COL27A1: variants seen among roughly 807,000 people sequenced by gnomAD.
COL27A1 encodes collagen alpha-1(XXVII) chain.
A neutral mutation model predicts 251.3 loss-of-function variants in COL27A1; 106 were observed. The observed-to-expected ratio is 0.42, with a 90% CI of 0.36 to 0.50. The LOEUF is 0.50. COL27A1 is among the 20% of genes least tolerant of loss of function. COL27A1 has a pLI of 0.00. For missense variants in COL27A1, 2,325 were observed against 2,522.8 expected (o/e 0.92, Z 1.68); for synonymous variants, 1,000 against 986.3 (o/e 1.01, Z -0.26).
intron 18 of COL27A1, 69 bp downstream of exon 18, chr9:114,237,103 A>G (rs1161360229): frequency 1.4e-6 from 2 of 1,435,900 alleles, no homozygotes; most frequent in South Asian, 2.8e-5. Context: ...GTGGCTGGGG[A>G]CACCTTCACC....
intron 7 of COL27A1, among the ~76,000 whole-genome samples, chr9:114,199,609 G>A (rs1244865709): frequency 6.6e-6 from 1 of 152,146 alleles, no homozygotes; most frequent in Non-Finnish European, 1.5e-5. Context: ...GAGAAGAATA[G>A]CATCTTCTTC....
chr9:114,213,502 TA>T (rs1830499989), intron 12 of COL27A1, among the ~76,000 whole-genome samples: 1 of 152,200 alleles, frequency 6.6e-6, no homozygotes, highest in Non-Finnish European at 1.5e-5. Flanking sequence ...TTGTTGAATA[TA>T]TTACTCTATG....
chr9:114,160,534 C>T (rs1018526686), intron 1 of COL27A1, among the ~76,000 whole-genome samples: 1 of 151,914 alleles, frequency 6.6e-6, no homozygotes, highest in African/African-American at 2.4e-5. Context: ...TTCCTGTGTG[C>T]CTGCCAGGGG....
rs757073014 is a variant in COL27A1 at position 114,290,160 on chromosome 9, C to T, written c.4260+49C>T. On this transcript the variant is annotated intron_variant, in intron 46 of 60. Transcript: ENST00000356083. The surrounding 1 kb of genome is among the most constrained non-coding windows in gnomAD (Gnocchi z 4.6). ...CCAGCCAACCTCCCTGCCCGCCCCC[C>T]ACACCCGCCCTCCTCCCACTCCCTG... 7 of 1,591,674 alleles carry T rather than the reference C, an allele frequency of 4.4e-6. No individual in the cohort carries two copies. Among genetic ancestry groups the T allele is most frequent in the African/African-American group, 2.7e-5 (2 of 74,640 alleles).
In COL27A1 at chr9:114,302,234, C is replaced by T. The variant is rs184808223; in HGVS notation, c.4872+126C>T. On this transcript the variant is annotated intron_variant, in intron 56 of 60. Coordinates refer to ENST00000356083, the MANE Select transcript of COL27A1 (RefSeq NM_032888.4). The stretch of plus-strand genomic sequence containing the variant: ...AGCTGGGTCTAGGGACGCCCATGTC[C>T]TTTTGTCACTTCATACTGGAGACTT... The T allele has an allele frequency of 2.8e-4, 208 of 753,568 alleles. 3 individuals carry two copies. In the South Asian group the frequency reaches 2.9e-3, roughly 10 times the overall value. 46.7% of individuals were successfully genotyped at this position (753,568 alleles called of 1,614,324 possible). A position where few individuals can be genotyped will look rare whatever the true frequency, so the allele number is the denominator to read the frequency against.
At chr9:114,169,777 G>A (rs760319223) in intron 3 of COL27A1, among the ~76,000 whole-genome samples, 1 of 152,186 alleles carries the variant, frequency 6.6e-6, no homozygotes, top group Non-Finnish European at 1.5e-5. Context: ...TGCAAAGCTC[G>A]AACAGCTTAA....
intron 56 of COL27A1, among the ~76,000 whole-genome samples, chr9:114,302,633 G>A (rs1384106065): frequency 6.6e-6 from 1 of 151,660 alleles, no homozygotes; most frequent in Non-Finnish European, 1.5e-5. Context: ...GGTTGAACCC[G>A]GGAGGAGGAG....
At chr9:114,193,581 C>A (rs144377928) in intron 5 of COL27A1, among the ~76,000 whole-genome samples, 1 of 152,028 alleles carries the variant, frequency 6.6e-6, no homozygotes, top group African/African-American at 2.4e-5. Flanking sequence ...CTAGACAGTC[C>A]CTTTCCTTCT....
chr9:114,293,258 A>T (rs1275342883), intron 49 of COL27A1, among the ~76,000 whole-genome samples: 1 of 152,234 alleles, frequency 6.6e-6, no homozygotes, highest in Non-Finnish European at 1.5e-5. Flanking sequence ...ATCTCCAAAC[A>T]TCTGGAAACT....
intron 5 of COL27A1, among the ~76,000 whole-genome samples, chr9:114,192,368 A>G (rs1828804823): frequency 6.6e-6 from 1 of 152,190 alleles, no homozygotes; most frequent in South Asian, 2.1e-4. Flanking sequence ...TACCATGGAC[A>G]TAAAAGGCAT....
chr9:114,208,993 C>T (rs1365810601), intron 10 of COL27A1, among the ~76,000 whole-genome samples: 1 of 152,090 alleles, frequency 6.6e-6, no homozygotes, highest in Non-Finnish European at 1.5e-5. Context: ...GCTGTGGAGT[C>T]AGCTGGCCCT....
intron 4 of COL27A1, 25 bp downstream of exon 4, chr9:114,178,369 G>A: frequency 6.2e-7 from 1 of 1,611,402 alleles, no homozygotes; most frequent in Non-Finnish European, 8.5e-7. Context: ...ACTGTCCTTT[G>A]GAACTCTTGG....
At position 114,204,409 on chromosome 9, in the gene COL27A1, G is replaced by A. The variant is rs187103463; in HGVS notation, c.2125-693G>A. ...TGATTATACCTGGTGCCACCTGAAAGCACACAGTCAGCTTGGTTCTCTCGA... is the reference window on the plus strand; with the variant it reads ...TGATTATACCTGGTGCCACCTGAAAACACACAGTCAGCTTGGTTCTCTCGA... On this transcript the variant is annotated intron_variant, in intron 7 of 60. Transcript: ENST00000356083. 1.2e-4 allele frequency among the ~76,000 whole-genome samples: 18 copies of A among 152,270 alleles called. No homozygotes were observed. The East Asian group carries it at 3.5e-3, about 29-fold the overall frequency.
Position 114,169,222 on chromosome 9 carries a change from C to G in COL27A1, c.1667C>G (p.Pro556Arg), listed in dbSNP as rs546945763. The change falls in exon 3 of 61, where the codon CCC (proline) becomes CGC (arginine). Residue 556 changes from proline to arginine, a missense_variant. Transcript: ENST00000356083. Reference protein sequence around the residue: ...GPKSSPRKPVPLRPGKAARDV... With the variant: ...GPKSSPRKPVRLRPGKAARDV... ...AAGAGCAGCCCCCGGAAGCCTGTCC[C>G]CCTCAGACCTGGGAAGGCAGCCAGG... 9.3e-6 allele frequency: 15 copies of G among 1,614,028 alleles called. No homozygotes were observed. The highest frequency in any genetic ancestry group is 2.2e-5 in the East Asian group (1 of 44,868).
At chr9:114,175,950 C>T (rs1827404687) in intron 3 of COL27A1, among the ~76,000 whole-genome samples, 1 of 152,176 alleles carries the variant, frequency 6.6e-6, no homozygotes, top group African/African-American at 2.4e-5. Context: ...AGGAAGTTTC[C>T]AGGATCTTCA....
At chr9:114,276,409 C>T (rs1835510698) in intron 37 of COL27A1, among the ~76,000 whole-genome samples, 1 of 152,188 alleles carries the variant, frequency 6.6e-6, no homozygotes, top group Non-Finnish European at 1.5e-5. Flanking sequence ...AGTTGGAGAC[C>T]AGCCTGGCCA....
intron 17 of COL27A1, 49 bp downstream of exon 17, chr9:114,235,701 T>C: frequency 6.9e-7 from 1 of 1,454,436 alleles, no homozygotes; most frequent in Non-Finnish European, 9.7e-7. Context: ...CCTGCCCTGC[T>C]GTTCCCCTGG....
Position 114,290,259 on chromosome 9 carries a change from G to C in COL27A1, c.4296G>C (p.Val1432=). Residue 1432 remains valine, a synonymous_variant, in exon 47 of 61, where the codon GTG becomes GTC. Coordinates refer to ENST00000356083, the MANE Select transcript of COL27A1 (RefSeq NM_032888.4). This position sits in a 1 kb window ranked among gnomAD's most constrained non-coding sequence, Gnocchi z 4.6. ...LQGLPGPRGV[V]GRQGLEGIAG... ...GGCTGCCAGGGCCCCGGGGCGTGGT[G>C]GGGAGACAGGGCCTCGAGGGCATCG... 3.2e-6 allele frequency: 5 copies of C among 1,576,580 alleles called. No homozygotes were observed. Among genetic ancestry groups the C allele is most frequent in the Non-Finnish European group, 4.3e-6 (5 of 1,161,110 alleles).
Position 114,309,330 on chromosome 9 carries a change from T to C in COL27A1, c.5288T>C (p.Ile1763Thr), listed in dbSNP as rs754072876. The C allele has an allele frequency of 6.2e-7, 1 of 1,614,056 alleles. No individual in the cohort carries two copies. The highest frequency in any genetic ancestry group is 8.5e-7 in the Non-Finnish European group (1 of 1,180,020). ...HLLSSEVTQH[I>T]TIHCLNMTVW... Reference sequence around the variant, plus strand: ...CTAAGCTCCGAGGTGACCCAGCACATCACCATCCACTGCCTTAACATGACC... The same window carrying C: ...CTAAGCTCCGAGGTGACCCAGCACACCACCATCCACTGCCTTAACATGACC... Residue 1763 changes from isoleucine (I) to threonine (T), a missense_variant, in exon 60 of 61, where the codon ATC (isoleucine) becomes ACC (threonine). Coordinates refer to ENST00000356083, the MANE Select transcript of COL27A1 (RefSeq NM_032888.4).
Sources: gnomAD v4.1 joint callset for allele counts (sites outside exome capture counted in the v4.1 genomes callset) on GRCh38, gnomAD v4.1.1 for gene constraint, Gnocchi (gnomAD v3.1) non-coding constraint, MANE v1.5 for transcripts, NCBI Gene and HGNC (gene_info 2026-07-23, HGNC 2026-07-21) for gene names.